GLIS3: variants seen among roughly 807,000 people sequenced by gnomAD.
GLIS3 encodes the protein zinc finger protein GLIS3.
A neutral mutation model predicts 78.6 loss-of-function variants in GLIS3; 53 were observed. The ratio of observed to expected loss-of-function variants is 0.67; its 90% confidence interval spans 0.54 to 0.85. The LOEUF (loss-of-function observed/expected upper bound fraction) is 0.85, where lower values mean the gene tolerates loss of function less well. GLIS3 is among the 40% of genes least tolerant of loss of function. GLIS3 has a pLI of 0.00. For missense variants in GLIS3, 1,703 were observed against 1,231.1 expected, an observed-to-expected ratio of 1.38 and a Z score of -5.74; for synonymous variants, 684 against 509.9, an observed-to-expected ratio of 1.34 and a Z score of -4.60.
chr9:3,850,270 G>A (rs572576479), intron 9 of GLIS3, among the ~76,000 whole-genome samples: 1 of 152,322 alleles, frequency 6.6e-6, no homozygotes, highest in African/African-American at 2.4e-5. Context: ...GATCTGCCAT[G>A]AGCTGAAGGC....
At chr9:4,360,511 C>T in the GLIS3 span, among the ~76,000 whole-genome samples, 1 of 152,166 alleles carries the variant, frequency 6.6e-6, no homozygotes, top group African/African-American at 2.4e-5. Context: ...AAGCCCTTTG[C>T]ATTTACTTCG....
At chr9:4,045,751 T>C (rs189233119) in intron 4 of GLIS3, among the ~76,000 whole-genome samples, 31 of 152,210 alleles carry the variant, frequency 2.0e-4, no homozygotes, top group Non-Finnish European at 3.4e-4. Flanking sequence ...TTAAACACAG[T>C]CTCGCAATCA....
intron 9 of GLIS3, 61 bp from the exon 10 acceptor site, chr9:3,829,553 C>G: frequency 6.3e-7 from 1 of 1,576,992 alleles, no homozygotes; most frequent in Non-Finnish European, 8.7e-7. Flanking sequence ...ACAGATCATT[C>G]CAACCCAGCT....
rs191725620 is a variant in GLIS3 at position 3,852,073 on chromosome 9, A to T, written c.2473+3936T>A. Among the ~76,000 whole-genome samples, 68 of 151,792 alleles carry T rather than the reference A, an allele frequency of 4.5e-4. 1 individual carries two copies. The highest frequency in any genetic ancestry group is 1.3e-3 in the Admixed American group (20 of 15,226). On this transcript the variant is annotated intron_variant, in intron 9 of 10. Coordinates refer to ENST00000381971, the MANE Select transcript of GLIS3 (RefSeq NM_001042413.2). ...GGCAGGGGAATTGCTTGAACCAGGGAGGTGGAGGTTGCAGTGAGCCAAGAA... is the reference window on the plus strand; with the variant it reads ...GGCAGGGGAATTGCTTGAACCAGGGTGGTGGAGGTTGCAGTGAGCCAAGAA...
intron 2 of GLIS3, among the ~76,000 whole-genome samples, chr9:4,311,417 A>C (rs995773988): frequency 6.6e-6 from 1 of 152,188 alleles, no homozygotes; most frequent in Non-Finnish European, 1.5e-5. Flanking sequence ...TCAAAAAAGT[A>C]ACTAAATAAA....
chr9:3,991,767 T>C (rs10974276), intron 4 of GLIS3, among the ~76,000 whole-genome samples: 544 of 145,604 alleles, frequency 3.7e-3, no homozygotes, highest in Non-Finnish European at 5.4e-3. Flanking sequence ...CTCGGCTCAC[T>C]GCAAGCTCCG....
intron 4 of GLIS3, among the ~76,000 whole-genome samples, chr9:4,306,459 TG>T (rs1817231146): frequency 6.6e-6 from 1 of 152,270 alleles, no homozygotes; most frequent in Non-Finnish European, 1.5e-5. Context: ...TTTATCCATT[TG>T]GTTGTCAGAC....
chr9:4,383,996 T>C, the GLIS3 span, among the ~76,000 whole-genome samples: 1 of 152,238 alleles, frequency 6.6e-6, no homozygotes, highest in Non-Finnish European at 1.5e-5. Flanking sequence ...CTACCCCCAC[T>C]TCTCAGGGAG....
chr9:3,842,302 T>C (rs1002153323), intron 9 of GLIS3, among the ~76,000 whole-genome samples: 3 of 152,154 alleles, frequency 2.0e-5, no homozygotes, highest in Admixed American at 2.0e-4. Flanking sequence ...TGAAACCCTG[T>C]CTCTACTAAA....
At chr9:4,352,562 T>C (rs1817987264), upstream of GLIS3, among the ~76,000 whole-genome samples, 1 of 152,252 alleles carries the variant, frequency 6.6e-6, no homozygotes, top group Non-Finnish European at 1.5e-5. Flanking sequence ...GATGGCCGTT[T>C]AAGTGAACTC....
the GLIS3 span, among the ~76,000 whole-genome samples, chr9:4,441,961 T>C: frequency 6.6e-6 from 1 of 152,188 alleles, no homozygotes; most frequent in Admixed American, 6.5e-5. Flanking sequence ...TAATGTTGGC[T>C]TTAGAGAAAG....
At chr9:3,828,459 C>T (rs1328028933) in intron 10 of GLIS3, 51 bp from the exon 11 acceptor site, 2 of 1,607,650 alleles carry the variant, frequency 1.2e-6, no homozygotes, top group Non-Finnish European at 8.5e-7. Context: ...CCATGCCACG[C>T]CCACTGGAAA....
intron 2 of GLIS3, among the ~76,000 whole-genome samples, chr9:4,275,011 A>T (rs931063921): frequency 3.3e-5 from 5 of 152,228 alleles, no homozygotes; most frequent in African/African-American, 1.2e-4. Flanking sequence ...CATGAAAATA[A>T]GCACTAAATA....
At chr9:4,172,873 C>G (rs927317) in intron 2 of GLIS3, among the ~76,000 whole-genome samples, 152,191 of 152,358 alleles carry the variant, frequency 1, 76,012 homozygotes, top group Middle Eastern at 1. Context: ...GATGGAAATA[C>G]TGCAGGCTCC....
At chr9:4,208,514 C>G (rs539441631) in intron 2 of GLIS3, among the ~76,000 whole-genome samples, 2 of 152,264 alleles carry the variant, frequency 1.3e-5, no homozygotes, top group African/African-American at 4.8e-5. Flanking sequence ...AACAAGTGCT[C>G]TCTTCTGCCA....
At chr9:4,258,697 C>G (rs1251267325) in intron 2 of GLIS3, among the ~76,000 whole-genome samples, 1 of 152,140 alleles carries the variant, frequency 6.6e-6, no homozygotes, top group Non-Finnish European at 1.5e-5. Context: ...TTTTGAGTGG[C>G]AGAACTGGGG....
At chr9:4,310,266 T>C (rs991060902) in intron 3 of GLIS3, 1 of 152,204 alleles carries the variant, frequency 6.6e-6, no homozygotes, top group African/African-American at 2.4e-5. Context: ...CCAGGAAATA[T>C]ATATAAAAAT....
the GLIS3 span, among the ~76,000 whole-genome samples, chr9:4,481,326 A>T: frequency 6.6e-6 from 1 of 152,136 alleles, no homozygotes; most frequent in Non-Finnish European, 1.5e-5. Flanking sequence ...TCTACTAAAA[A>T]TATAAAAATT....
At chr9:4,450,068 T>C in the GLIS3 span, among the ~76,000 whole-genome samples, 1 of 152,134 alleles carries the variant, frequency 6.6e-6, no homozygotes, top group African/African-American at 2.4e-5. Flanking sequence ...GAAGGATGTT[T>C]GGACCCATCA....
Sources: allele counts gnomAD v4.1 joint callset (sites outside exome capture counted in the v4.1 genomes callset), GRCh38; gene constraint gnomAD v4.1.1; transcripts MANE v1.5; gene names NCBI Gene and HGNC (gene_info 2026-07-23, HGNC 2026-07-21).